UNC13C: variants seen among roughly 807,000 people sequenced by gnomAD.
UNC13C encodes the protein unc-13 homolog C.
A neutral mutation model predicts 245.4 loss-of-function variants in UNC13C; 174 were observed. The observed-to-expected ratio is 0.71, with a 90% CI of 0.63 to 0.80. The LOEUF (loss-of-function observed/expected upper bound fraction) is 0.80. UNC13C is among the 30% of genes least tolerant of loss of function. The pLI is 0.00. For synonymous variants in UNC13C, 992 were observed against 895.1 expected (o/e 1.11, Z -1.93); for missense variants, 2,829 against 2,602.9 (o/e 1.09, Z -1.89).
At chr15:53,992,315 G>C (rs1365750730) in intron 1 of UNC13C, among the ~76,000 whole-genome samples, 1 of 151,982 alleles carries the variant, frequency 6.6e-6, no homozygotes, top group Non-Finnish European at 1.5e-5. Context: ...TCAATATATA[G>C]CCTTTCTCCT....
intron 17 of UNC13C, among the ~76,000 whole-genome samples, chr15:54,365,826 C>CT (rs1165724045): frequency 6.6e-6 from 1 of 151,502 alleles, no homozygotes; most frequent in Non-Finnish European, 1.5e-5. Context: ...TTCTTTAGAA[C>CT]TTTTTTAGTT....
intron 18 of UNC13C, among the ~76,000 whole-genome samples, chr15:54,407,893 A>AT (rs929988792): frequency 2.6e-5 from 4 of 152,032 alleles, no homozygotes; most frequent in Admixed American, 2.6e-4. Context: ...ATGCATGGGA[A>AT]TTTTTTTGTT....
intron 26 of UNC13C, among the ~76,000 whole-genome samples, chr15:54,545,062 A>C (rs1596544037): frequency 6.6e-6 from 1 of 152,342 alleles, no homozygotes; most frequent in East Asian, 1.9e-4. Flanking sequence ...GCAAGGCTAC[A>C]GTAACCAAAA....
intron 4 of UNC13C, among the ~76,000 whole-genome samples, chr15:54,183,477 G>T (rs1485088036): frequency 2.0e-5 from 3 of 151,698 alleles, no homozygotes; most frequent in African/African-American, 7.2e-5. Context: ...ATATATATAT[G>T]ATTTTGATTC....
At chr15:53,843,835 A>T in the UNC13C span, among the ~76,000 whole-genome samples, 2 of 152,204 alleles carry the variant, frequency 1.3e-5, no homozygotes, top group East Asian at 3.9e-4. Context: ...GAGGAAGTCC[A>T]TGAGATTTGT....
chr15:54,018,161 G>T (rs1160440779), intron 2 of UNC13C, among the ~76,000 whole-genome samples: 1 of 152,154 alleles, frequency 6.6e-6, no homozygotes, highest in Non-Finnish European at 1.5e-5. Context: ...TTCCTGCTCA[G>T]AGCATCCCAA....
intron 2 of UNC13C, among the ~76,000 whole-genome samples, chr15:54,138,576 G>A (rs2031850854): frequency 6.6e-6 from 1 of 151,854 alleles, no homozygotes; most frequent in Admixed American, 6.6e-5. Flanking sequence ...ACAGATTATT[G>A]CATCAAAGTC....
intron 30 of UNC13C, among the ~76,000 whole-genome samples, chr15:54,580,876 C>A (rs1898168352): frequency 6.6e-6 from 1 of 152,168 alleles, no homozygotes; most frequent in Non-Finnish European, 1.5e-5. Flanking sequence ...AGATCTGTGA[C>A]ACCTGAATGA....
intron 8 of UNC13C, among the ~76,000 whole-genome samples, chr15:54,253,273 G>A (rs2140871608): frequency 6.6e-6 from 1 of 152,322 alleles, no homozygotes; most frequent in Non-Finnish European, 1.5e-5. Flanking sequence ...AGGTGATGGT[G>A]AAATCCAACT....
chr15:54,330,723 A>C (rs1413437095), intron 14 of UNC13C, among the ~76,000 whole-genome samples: 1 of 152,082 alleles, frequency 6.6e-6, no homozygotes, highest in Non-Finnish European at 1.5e-5. Flanking sequence ...TGGAGAGTTA[A>C]GAAAGGACTG....
intron 2 of UNC13C, among the ~76,000 whole-genome samples, chr15:54,027,182 GAAAAA>G (rs201428032): frequency 7.0e-6 from 1 of 141,898 alleles, no homozygotes; most frequent in African/African-American, 2.7e-5. Context: ...GAAAAAAAAA[GAAAAA>G]AAAAAAACAG....
intron 17 of UNC13C, among the ~76,000 whole-genome samples, chr15:54,374,061 C>A (rs902221117): frequency 1.3e-5 from 2 of 152,246 alleles, no homozygotes; most frequent in Middle Eastern, 3.4e-3. Flanking sequence ...GAAAGAAGAC[C>A]CTCAGTGGGC....
At chr15:54,228,676 T>G (rs76770461) in intron 4 of UNC13C, among the ~76,000 whole-genome samples, 2,330 of 151,992 alleles carry the variant, frequency 0.015, 67 homozygotes, top group African/African-American at 0.054. Context: ...GGAATGGGAG[T>G]CTCAGAACTC....
At chr15:54,216,837 T>A (rs1259723591) in intron 4 of UNC13C, among the ~76,000 whole-genome samples, 1 of 151,996 alleles carries the variant, frequency 6.6e-6, no homozygotes, top group Non-Finnish European at 1.5e-5. Flanking sequence ...GCAACCATGA[T>A]CTCTGAACTT....
At position 54,567,884 on chromosome 15, in the gene UNC13C, A is replaced by C. The variant is rs1897586627; in HGVS notation, c.6043A>C (p.Ser2015Arg). ...PDLQSLRYAL[S>R]LYTQTTDALI... is the part of the protein sequence containing the mutation. ...TCTTCAGTCTCTGAGATATGCTCTC[A>C]GTCTTTATACCCAAACTACTGATGC... The change falls in exon 30 of 33, where the codon AGT becomes CGT. Residue 2015 changes from serine (S) to arginine (R), a missense_variant. Transcript: ENST00000260323. 4.4e-6 allele frequency: 7 copies of C among 1,597,962 alleles called. No individual in the cohort carries two copies. The highest frequency in any genetic ancestry group is 6.0e-6 in the Non-Finnish European group (7 of 1,171,132).
Position 54,422,880 on chromosome 15 carries a change from C to T in UNC13C, c.4933+7813C>T, listed in dbSNP as rs552386376. 7.9e-5 allele frequency among the ~76,000 whole-genome samples: 12 copies of T among 151,382 alleles called. No individual in the cohort carries two copies. In the South Asian group the frequency reaches 1.3e-3, roughly 16 times the overall value. ...TACTACTTTTTTTCTGTTTTTGATG[C>T]CTTTTCCTTTTTTCTGTTTGTACAT... On this transcript the variant is annotated intron_variant, in intron 19 of 32. Transcript: ENST00000260323.
intron 2 of UNC13C, among the ~76,000 whole-genome samples, chr15:54,063,309 C>T (rs141588881): frequency 8.6e-5 from 13 of 152,026 alleles, no homozygotes; most frequent in East Asian, 1.9e-4. Context: ...AAGACACACA[C>T]GAAGCTGAGT....
intron 4 of UNC13C, among the ~76,000 whole-genome samples, chr15:54,224,047 C>A (rs60148245): frequency 0.22 from 33,619 of 151,848 alleles, 5,921 homozygotes; most frequent in African/African-American, 0.48. Flanking sequence ...TGGAGGCTTT[C>A]GGTTTTTCCA....
intron 18 of UNC13C, among the ~76,000 whole-genome samples, chr15:54,403,015 C>T (rs1335987377): frequency 6.6e-6 from 1 of 152,202 alleles, no homozygotes; most frequent in Admixed American, 6.5e-5. Context: ...AGGTGCTCCA[C>T]AATGGTAATC....
Sources: allele counts gnomAD v4.1 joint callset (sites outside exome capture counted in the v4.1 genomes callset), GRCh38; gene constraint gnomAD v4.1.1; transcripts MANE v1.5; gene names NCBI Gene and HGNC (gene_info 2026-07-23, HGNC 2026-07-21).